FILIP1L: variants seen among roughly 807,000 people sequenced by gnomAD.
FILIP1L encodes filamin A interacting protein 1 like, also known as filamin A-interacting protein 1-like.
A neutral mutation model predicts 96.6 loss-of-function variants in FILIP1L; 55 were observed. The ratio of observed to expected loss-of-function variants is 0.57; its 90% confidence interval spans 0.46 to 0.71. The LOEUF (loss-of-function observed/expected upper bound fraction) is 0.71. Ranked by LOEUF, FILIP1L falls within the 30% of genes least tolerant of loss-of-function variation. FILIP1L has a pLI of 0.00. For synonymous variants in FILIP1L, 467 were observed against 473.9 expected (o/e 0.99, Z 0.19); for missense variants, 1,304 against 1,321.2 (o/e 0.99, Z 0.20).
At chr3:99,934,813 G>A (rs1707607998) in intron 1 of FILIP1L, among the ~76,000 whole-genome samples, 2 of 152,186 alleles carry the variant, frequency 1.3e-5, no homozygotes. Flanking sequence ...GTAAAAAAAG[G>A]AATGACCTGA....
chr3:99,908,303 T>C (rs1435314339), intron 4 of FILIP1L, among the ~76,000 whole-genome samples: 3 of 152,248 alleles, frequency 2.0e-5, no homozygotes, highest in Admixed American at 6.5e-5. Context: ...CTATTTTCTA[T>C]TGAAGGCAGA....
Position 99,843,786 on chromosome 3 carries a change from G to A in FILIP1L, c.3381+4509C>T, listed in dbSNP as rs140556468. Among the ~76,000 whole-genome samples the A allele has an allele frequency of 1.7e-4, 26 of 152,194 alleles. No homozygotes were observed. The East Asian group carries it at 4.1e-3, about 24-fold the overall frequency. On this transcript the variant is annotated intron_variant, in intron 5 of 5. Coordinates refer to ENST00000477258, the MANE Select transcript of FILIP1L (RefSeq NM_001387850.1). ...GTCCATGGCTTGTTAGGAGCCGAGC[G>A]GCAAGCAGAAGGTGAGTGGCAGGCA...
At chr3:100,087,832 C>CTTTTTTTTTTT (rs755041519) in intron 1 of FILIP1L, among the ~76,000 whole-genome samples, 1 of 114,122 alleles carries the variant, frequency 8.8e-6, no homozygotes, top group African/African-American at 3.2e-5. Flanking sequence ...ATTGTTTCAA[C>CTTTTTTTTTTT]TTTTTTTTTT....
At chr3:99,916,647 G>A (rs1706964117) in intron 4 of FILIP1L, among the ~76,000 whole-genome samples, 1 of 152,144 alleles carries the variant, frequency 6.6e-6, no homozygotes, top group Admixed American at 6.5e-5. Context: ...GTGAATCGGA[G>A]ACTTAACAAG....
At chr3:100,105,253 T>C (rs942350587) in intron 1 of FILIP1L, among the ~76,000 whole-genome samples, 22 of 152,210 alleles carry the variant, frequency 1.4e-4, no homozygotes, top group African/African-American at 5.3e-4. Context: ...AAATAACATA[T>C]AATTGAAGCT....
intron 1 of FILIP1L, among the ~76,000 whole-genome samples, chr3:99,958,402 A>G (rs1024668176): frequency 5.9e-5 from 9 of 152,126 alleles, no homozygotes; most frequent in Admixed American, 5.9e-4. Flanking sequence ...GCCATGAAAA[A>G]GCTGCTACAG....
intron 1 of FILIP1L, among the ~76,000 whole-genome samples, chr3:100,003,029 C>A (rs1709887410): frequency 6.6e-6 from 1 of 152,118 alleles, no homozygotes; most frequent in Non-Finnish European, 1.5e-5. Flanking sequence ...GCAGCATTTA[C>A]CTGCGAATTA....
At chr3:99,958,688 T>C (rs1708409093) in intron 1 of FILIP1L, among the ~76,000 whole-genome samples, 1 of 152,060 alleles carries the variant, frequency 6.6e-6, no homozygotes, top group Non-Finnish European at 1.5e-5. Context: ...GAGCAGGCAG[T>C]GTGAGGCATA....
intron 1 of FILIP1L, among the ~76,000 whole-genome samples, chr3:100,058,274 G>A (rs2065499708): frequency 6.6e-6 from 1 of 152,182 alleles, no homozygotes; most frequent in African/African-American, 2.4e-5. Flanking sequence ...TTCAAGGCAC[G>A]GAACAGAGTT....
At chr3:100,003,659 C>T (rs1419591669) in intron 1 of FILIP1L, among the ~76,000 whole-genome samples, 1 of 151,984 alleles carries the variant, frequency 6.6e-6, no homozygotes, top group Non-Finnish European at 1.5e-5. Flanking sequence ...GAAGTTTTTG[C>T]AAGAAAACTC....
intron 1 of FILIP1L, among the ~76,000 whole-genome samples, chr3:99,951,362 C>T (rs1003171610): frequency 6.6e-6 from 1 of 152,086 alleles, no homozygotes; most frequent in Non-Finnish European, 1.5e-5. Context: ...ACCCTTAGTC[C>T]TGTGGGTACA....
intron 1 of FILIP1L, among the ~76,000 whole-genome samples, chr3:99,974,554 A>C (rs531595152): frequency 5.9e-5 from 9 of 152,162 alleles, no homozygotes; most frequent in Non-Finnish European, 1.2e-4. Context: ...TACTAAAAAT[A>C]CAAAATTAGC....
rs63321762 is a variant in FILIP1L at position 99,988,341 on chromosome 3, C to CAAAAAAA, written c.-10-57318_-10-57312dup. Among the ~76,000 whole-genome samples the CAAAAAAA allele has an allele frequency of 1.9e-4, 12 of 62,312 alleles. 1 individual carries two copies. Among genetic ancestry groups the CAAAAAAA allele is most frequent in the African/African-American group, 4.0e-4 (8 of 19,794 alleles). The allele number at this position is 62,312 out of a possible 152,430, so 40.9% of individuals were successfully genotyped here. On this transcript the variant is annotated intron_variant, in intron 1 of 5. Coordinates refer to ENST00000477258, the MANE Select transcript of FILIP1L (RefSeq NM_001387850.1). The stretch of plus-strand genomic sequence containing the variant: ...CAAAACCCCACCTCTACTAAAAATC[C>CAAAAAAA]AAAAAAAAAAAAAAAAAAAAAATTA...
chr3:99,992,687 GT>G (rs909530631), intron 1 of FILIP1L, among the ~76,000 whole-genome samples: 2 of 150,716 alleles, frequency 1.3e-5, no homozygotes, highest in Non-Finnish European at 3.0e-5. Flanking sequence ...AATTTGTCTA[GT>G]TTTTTTTTGG....
chr3:100,029,140 A>T (rs1291606781), intron 1 of FILIP1L, among the ~76,000 whole-genome samples: 1 of 152,136 alleles, frequency 6.6e-6, no homozygotes, highest in Non-Finnish European at 1.5e-5. Context: ...AGCCTGGGCA[A>T]CATAGCAAGA....
chr3:99,946,638 C>A (rs79377057), intron 1 of FILIP1L, among the ~76,000 whole-genome samples: 2 of 152,286 alleles, frequency 1.3e-5, no homozygotes, highest in East Asian at 3.9e-4. Context: ...CTAACCCACT[C>A]TCTTCAGTAC....
chr3:99,926,498 A>G (rs1258697648), intron 3 of FILIP1L, among the ~76,000 whole-genome samples: 1 of 152,232 alleles, frequency 6.6e-6, no homozygotes. Context: ...AGGAAAATTC[A>G]AATCAACTCC....
intron 1 of FILIP1L, among the ~76,000 whole-genome samples, chr3:100,030,635 A>G (rs1021614351): frequency 1.3e-5 from 2 of 152,210 alleles, no homozygotes; most frequent in Admixed American, 6.5e-5. Context: ...ATTTGGAATC[A>G]TGAGTAATCA....
chr3:99,966,501 C>T (rs542216333), intron 1 of FILIP1L, among the ~76,000 whole-genome samples: 25 of 152,158 alleles, frequency 1.6e-4, no homozygotes, highest in African/African-American at 4.3e-4. Flanking sequence ...TGCAGAGCCC[C>T]GTCAAAATAG....
Sources: gnomAD v4.1 joint callset for allele counts (sites outside exome capture counted in the v4.1 genomes callset) on GRCh38, gnomAD v4.1.1 for gene constraint, MANE v1.5 for transcripts, NCBI Gene and HGNC (gene_info 2026-07-23, HGNC 2026-07-21) for gene names.